The following EFCAB7 variants were observed in gnomAD, a reference collection of about 807,000 sequenced individuals.
EFCAB7 encodes the protein EF-hand calcium-binding domain-containing protein 7.
In EFCAB7, 66 loss-of-function variants were observed where a neutral mutation model predicts 77.1. The observed-to-expected ratio is 0.86, with a 90% CI of 0.70 to 1.05. The LOEUF (loss-of-function observed/expected upper bound fraction) is 1.05. EFCAB7 is among the 50% of genes least tolerant of loss of function. The pLI is 0.00. For synonymous variants in EFCAB7, 225 were observed against 243.3 expected (o/e 0.92, Z 0.70); for missense variants, 638 against 730.5 (o/e 0.87, Z 1.46).
At chr1:63,585,326 AT>A in the EFCAB7 span, among the ~76,000 whole-genome samples, 1 of 152,096 alleles carries the variant, frequency 6.6e-6, no homozygotes, top group Non-Finnish European at 1.5e-5. Context: ...CTGTAGTGAT[AT>A]CCCTTTTTCA....
At chr1:63,558,578 G>C (rs1647056580) in intron 10 of EFCAB7, among the ~76,000 whole-genome samples, 1 of 152,134 alleles carries the variant, frequency 6.6e-6, no homozygotes, top group South Asian at 2.1e-4. Context: ...AAATGATTTG[G>C]AGGAATGTCT....
At chr1:63,566,344 C>G (rs1239007216) in intron 11 of EFCAB7, among the ~76,000 whole-genome samples, 1 of 152,154 alleles carries the variant, frequency 6.6e-6, no homozygotes, top group Non-Finnish European at 1.5e-5. Context: ...TAGAGCCTAT[C>G]AGAGGGTGAA....
At chr1:63,567,083 AG>A (rs1485614914) in intron 11 of EFCAB7, among the ~76,000 whole-genome samples, 1 of 152,180 alleles carries the variant, frequency 6.6e-6, no homozygotes, top group Non-Finnish European at 1.5e-5. Flanking sequence ...GAGGATACAA[AG>A]ATGAATAAAA....
At chr1:63,579,868 C>T in the EFCAB7 span, among the ~76,000 whole-genome samples, 36 of 152,166 alleles carry the variant, frequency 2.4e-4, no homozygotes, top group Non-Finnish European at 4.4e-4. Flanking sequence ...TGTGCTTCTT[C>T]AAGCCTTTTG....
chr1:63,547,379 C>T (rs1646911729), intron 7 of EFCAB7: 1 of 151,928 alleles, frequency 6.6e-6, no homozygotes, highest in Non-Finnish European at 1.5e-5. Flanking sequence ...GGAAACAATA[C>T]ATAATAAACA....
At chr1:63,565,044 C>T (rs942595047) in intron 11 of EFCAB7, among the ~76,000 whole-genome samples, 1 of 152,156 alleles carries the variant, frequency 6.6e-6, no homozygotes, top group Non-Finnish European at 1.5e-5. Context: ...CTTCCTTACA[C>T]CATATACAAA....
chr1:63,526,967 G>T (rs1454088288), intron 2 of EFCAB7, among the ~76,000 whole-genome samples: 3 of 152,196 alleles, frequency 2.0e-5, no homozygotes, highest in Non-Finnish European at 4.4e-5. Context: ...GTTTTGCCAT[G>T]TTGGCCAGGC....
intron 10 of EFCAB7, among the ~76,000 whole-genome samples, chr1:63,560,839 A>AT (rs1286938500): frequency 6.6e-6 from 1 of 152,138 alleles, no homozygotes; most frequent in African/African-American, 2.4e-5. Context: ...GTTTTAAGCT[A>AT]TTAATCAGTC....
At chr1:63,573,306 G>A (rs1647321848), downstream of EFCAB7, among the ~76,000 whole-genome samples, 1 of 152,012 alleles carries the variant, frequency 6.6e-6, no homozygotes, top group Admixed American at 6.6e-5. Context: ...TGATATTGTG[G>A]GGTTGTTAGA....
chr1:63,552,190 C>G (rs1325071821), intron 8 of EFCAB7, among the ~76,000 whole-genome samples: 1 of 151,960 alleles, frequency 6.6e-6, no homozygotes, highest in African/African-American at 2.4e-5. Context: ...TGTGAATAGC[C>G]ACTGTACTTC....
intron 6 of EFCAB7, among the ~76,000 whole-genome samples, chr1:63,543,545 A>AT (rs1646854762): frequency 6.6e-6 from 1 of 152,220 alleles, no homozygotes; most frequent in South Asian, 2.1e-4. Context: ...AATTATAGAG[A>AT]TTTTTAATAA....
chr1:63,534,416 A>G, intron 6 of EFCAB7, 200 bp downstream of exon 6: 1 of 396,288 alleles, frequency 2.5e-6, no homozygotes, highest in Non-Finnish European at 4.4e-6. Context: ...TTCAGTTTGA[A>G]AATGGTAACA....
At chr1:63,561,379 A>G (rs1322143700) in intron 10 of EFCAB7, among the ~76,000 whole-genome samples, 1 of 152,188 alleles carries the variant, frequency 6.6e-6, no homozygotes, top group Non-Finnish European at 1.5e-5. Context: ...ATATATAACA[A>G]CGTATGCTCT....
chr1:63,534,773 A>G (rs1646743813), intron 6 of EFCAB7, among the ~76,000 whole-genome samples: 1 of 152,116 alleles, frequency 6.6e-6, no homozygotes, highest in Admixed American at 6.5e-5. Context: ...AAAAATGGTT[A>G]TGACCACATA....
At position 63,563,448 on chromosome 1, in the gene EFCAB7, G is replaced by A. The variant is rs1647134188; in HGVS notation, c.1497+1591G>A. Among the ~76,000 whole-genome samples the A allele has an allele frequency of 1.3e-5, 2 of 152,202 alleles. 1 individual carries two copies. Among genetic ancestry groups the A allele is most frequent in the Admixed American group, 1.3e-4 (2 of 15,276 alleles). On this transcript the variant is annotated intron_variant, in intron 11 of 13. Transcript: ENST00000371088. Reference sequence around the variant, plus strand: ...ACAGTCTCTCGGCTAAGAGCAGAATGCTCATTTATATAGGGTTTTGGGGAG... The same window carrying A: ...ACAGTCTCTCGGCTAAGAGCAGAATACTCATTTATATAGGGTTTTGGGGAG...
chr1:63,574,623 T>A (rs893894072), downstream of EFCAB7, among the ~76,000 whole-genome samples: 5 of 152,226 alleles, frequency 3.3e-5, no homozygotes, highest in Non-Finnish European at 7.3e-5. Context: ...TCTTGAGCGA[T>A]GGGATCTGAT....
intron 1 of EFCAB7, 86 bp from the exon 2 acceptor site, chr1:63,525,486 C>T (rs895200446): frequency 1.3e-5 from 14 of 1,094,828 alleles, no homozygotes; most frequent in Non-Finnish European, 1.5e-5. Flanking sequence ...AATCTTGATT[C>T]TCCTCCCTGT....
chr1:63,539,155 A>T (rs1032593289), intron 6 of EFCAB7, among the ~76,000 whole-genome samples: 23 of 152,214 alleles, frequency 1.5e-4, no homozygotes, highest in African/African-American at 5.3e-4. Flanking sequence ...GCACTGCCCC[A>T]GAGGTAGCAT....
intron 6 of EFCAB7, among the ~76,000 whole-genome samples, chr1:63,535,461 T>C (rs1420189417): frequency 1.3e-5 from 2 of 152,248 alleles, no homozygotes; most frequent in African/African-American, 4.8e-5. Flanking sequence ...AAATATTTAT[T>C]GAATGACTAC....
Sources: allele counts gnomAD v4.1 joint callset (sites outside exome capture counted in the v4.1 genomes callset), GRCh38; gene constraint gnomAD v4.1.1; transcripts MANE v1.5; gene names NCBI Gene and HGNC (gene_info 2026-07-23, HGNC 2026-07-21).